The following CDC42 variants were observed in gnomAD, a reference collection of about 807,000 sequenced individuals.
CDC42 encodes the protein cell division control protein 42 homolog.
A neutral mutation model predicts 20.8 loss-of-function variants in CDC42; 1 was observed. That is an observed-to-expected ratio of 0.05 (90% CI 0.02 to 0.23). CDC42 has a LOEUF of 0.23. CDC42 is among the 10% of genes least tolerant of loss of function. The probability of loss-of-function intolerance (pLI) is 1.00; values close to 1 mark genes in which losing one functional copy is unlikely to be tolerated. For missense variants in CDC42, 49 were observed against 227.9 expected (o/e 0.21, Z 5.05); for synonymous variants, 72 against 84.8 (o/e 0.85, Z 0.83).
intron 2 of CDC42, among the ~76,000 whole-genome samples, chr1:22,081,242 T>A (rs1187285336): frequency 6.6e-6 from 1 of 152,226 alleles, no homozygotes; most frequent in Non-Finnish European, 1.5e-5. Flanking sequence ...GAACCGTTAT[T>A]TCTCTCAAAT....
intron 1 of CDC42, among the ~76,000 whole-genome samples, chr1:22,065,539 G>A (rs1014093639): frequency 2.6e-5 from 4 of 152,056 alleles, no homozygotes; most frequent in Non-Finnish European, 5.9e-5. Context: ...TTAATTTTGC[G>A]TAAGAATAAG....
chr1:22,078,839 G>T, intron 2 of CDC42: 1 of 1,394,798 alleles, frequency 7.2e-7, no homozygotes, highest in Non-Finnish European at 9.4e-7. Flanking sequence ...CTAACGAGTG[G>T]TGGTCTCAAT....
At chr1:22,075,752 A>G (rs539607782) in intron 1 of CDC42, among the ~76,000 whole-genome samples, 5 of 152,326 alleles carry the variant, frequency 3.3e-5, no homozygotes, top group South Asian at 2.1e-4. Flanking sequence ...GGGGAAACCA[A>G]GCTACACAGA....
chr1:22,073,683 A>G (rs531301551), intron 1 of CDC42, among the ~76,000 whole-genome samples: 50 of 152,328 alleles, frequency 3.3e-4, no homozygotes, highest in African/African-American at 1.2e-3. Context: ...AATATTTGAG[A>G]CAGGGTCTTG....
intron 1 of CDC42, among the ~76,000 whole-genome samples, chr1:22,058,485 G>GT (rs5772984): frequency 0.91 from 133,405 of 146,248 alleles, 60,829 homozygotes; most frequent in East Asian, 0.99. Context: ...GTTATTTAAA[G>GT]TTTTTTTTTT....
At chr1:22,080,734 A>T (rs1279899669) in intron 2 of CDC42, among the ~76,000 whole-genome samples, 1 of 152,236 alleles carries the variant, frequency 6.6e-6, no homozygotes. Context: ...CCATTTTCAC[A>T]AATAACTTCG....
intron 5 of CDC42, among the ~76,000 whole-genome samples, chr1:22,088,897 T>C (rs753307017): frequency 6.6e-6 from 1 of 152,206 alleles, no homozygotes; most frequent in East Asian, 1.9e-4. Context: ...TTTTTAACTT[T>C]TGCTGCTTTT....
chr1:22,091,119 A>G lies in CDC42; in HGVS notation c.487-309A>G, dbSNP rs1234428596. 2.6e-5 allele frequency among the ~76,000 whole-genome samples: 4 copies of G among 152,146 alleles called. No homozygotes were observed. The South Asian group carries it at 6.2e-4, about 24-fold the overall frequency. The stretch of plus-strand genomic sequence containing the variant: ...AAATGTTTCAGCAGCACATTACAAA[A>G]CTCATACTGAATGAGCAAATGACAC... On this transcript the variant is annotated intron_variant, in intron 5 of 5. Coordinates refer to ENST00000656825, the MANE Select transcript of CDC42 (RefSeq NM_001791.4).
At chr1:22,067,774 C>T (rs903469728) in intron 1 of CDC42, among the ~76,000 whole-genome samples, 1 of 152,186 alleles carries the variant, frequency 6.6e-6, no homozygotes, top group Non-Finnish European at 1.5e-5. Flanking sequence ...AATCACCTCC[C>T]AGCAGTCTCA....
chr1:22,065,759 C>T (rs565115341), intron 1 of CDC42, among the ~76,000 whole-genome samples: 5 of 127,452 alleles, frequency 3.9e-5, no homozygotes, highest in Non-Finnish European at 6.3e-5. Flanking sequence ...TTAAAAATCT[C>T]GTCTTTTTTT....
intron 1 of CDC42, among the ~76,000 whole-genome samples, chr1:22,063,842 T>C (rs1645391896): frequency 6.6e-6 from 1 of 152,086 alleles, no homozygotes; most frequent in Non-Finnish European, 1.5e-5. Flanking sequence ...TGCCTCAGCC[T>C]CCCGAGTAGC....
rs984654215 is a variant in CDC42 at position 22,098,819 on chromosome 1, C to T, written c.*7302C>T. Among the ~76,000 whole-genome samples, 8 of 152,072 alleles carry T rather than the reference C, an allele frequency of 5.3e-5. No individual in the cohort carries two copies. The highest frequency in any genetic ancestry group is 2.1e-4 in the South Asian group (1 of 4,830). On this transcript the variant is annotated 3_prime_UTR_variant, in exon 6 of 6. Coordinates refer to ENST00000656825, the MANE Select transcript of CDC42 (RefSeq NM_001791.4). ...TGTCACCCAGGCTGGAGTGCAGTGT[C>T]GTGGTCTTGGGTCACTGCATCCTTG...
At chr1:22,090,300 A>G (rs1645703004) in intron 5 of CDC42, 4 of 1,132,510 alleles carry the variant, frequency 3.5e-6, no homozygotes, top group Middle Eastern at 3.8e-4. Context: ...TACTATTGCA[A>G]AAGGGAACTT....
intron 3 of CDC42, among the ~76,000 whole-genome samples, chr1:22,086,192 A>G (rs1048772802): frequency 2.0e-5 from 3 of 152,216 alleles, no homozygotes; most frequent in Admixed American, 1.3e-4. Context: ...TCTAATGGAC[A>G]CAAAGATTGA....
intron 1 of CDC42, among the ~76,000 whole-genome samples, chr1:22,069,017 G>T (rs1158559923): frequency 5.3e-5 from 8 of 152,142 alleles, no homozygotes; most frequent in African/African-American, 1.9e-4. Flanking sequence ...ACTTTGTTAT[G>T]TGAATTGTGG....
At chr1:22,087,427 C>T (rs570694983) in intron 5 of CDC42, among the ~76,000 whole-genome samples, 4 of 152,116 alleles carry the variant, frequency 2.6e-5, no homozygotes, top group African/African-American at 4.8e-5. Context: ...GCATTCCGGC[C>T]GTTTTTGAGT....
In CDC42 at chr1:22,098,980, A is replaced by G. The variant is rs1402368206; in HGVS notation, c.*7463A>G. On this transcript the variant is annotated 3_prime_UTR_variant, in exon 6 of 6. Transcript: ENST00000656825. ...TGCCATTTTACCCAGGCTGGTCTCG[A>G]ACTCCTGAGCTGATCCTCCCACCTC... is the stretch of plus-strand genomic sequence containing the variant. Among the ~76,000 whole-genome samples the G allele has an allele frequency of 6.6e-6, 1 of 152,154 alleles. No homozygotes were observed.
intron 1 of CDC42, among the ~76,000 whole-genome samples, chr1:22,076,202 G>A (rs1645547621): frequency 6.6e-6 from 1 of 151,936 alleles, no homozygotes; most frequent in South Asian, 2.1e-4. Flanking sequence ...GCTCACACCT[G>A]TAATCCTAGC....
intron 3 of CDC42, among the ~76,000 whole-genome samples, chr1:22,085,951 T>G (rs1645657599): frequency 6.6e-6 from 1 of 152,170 alleles, no homozygotes; most frequent in African/African-American, 2.4e-5. Flanking sequence ...GTTCACGTGA[T>G]TCTTCTGCCT....
Sources: allele counts gnomAD v4.1 joint callset (sites outside exome capture counted in the v4.1 genomes callset), GRCh38; gene constraint gnomAD v4.1.1; transcripts MANE v1.5; gene names NCBI Gene and HGNC (gene_info 2026-07-23, HGNC 2026-07-21).